The following TBXT variants were observed in gnomAD, a reference collection of about 807,000 sequenced individuals.
TBXT encodes T brachyury transcription factor.
A neutral mutation model predicts 41.1 loss-of-function variants in TBXT; 19 were observed. That is an observed-to-expected ratio of 0.46 (90% CI 0.32 to 0.68). The LOEUF is 0.68. Among genes scored for constraint, TBXT ranks in the 30% least tolerant of loss-of-function variants. TBXT has a pLI of 0.03. For missense variants in TBXT, 536 were observed against 582.0 expected (o/e 0.92, Z 0.81); for synonymous variants, 213 against 238.9 (o/e 0.89, Z 1.00).
In TBXT at chr6:166,166,793, G is replaced by A; in HGVS notation, c.270C>T (p.Phe90=). 1 of 1,613,942 alleles carries A rather than the reference G, an allele frequency of 6.2e-7. No individual in the cohort carries two copies. The part of the protein sequence containing the change: ...SGLDPNAMYS[F]LLDFVAADNH... ...TGTCCGCCGCCACGAAGTCCAGCAG[G>A]AAGGAGTACATGGCGTTGGGGTCCA... Residue 90 remains phenylalanine (F), a synonymous_variant, in exon 2 of 8, where the codon TTC becomes TTT. Transcript: ENST00000366876.
chr6:166,159,927 G>A (rs1010862950), intron 7 of TBXT, among the ~76,000 whole-genome samples: 8 of 148,992 alleles, frequency 5.4e-5, no homozygotes. Context: ...GCTTGTTTAC[G>A]CATTGTTGCT....
intron 5 of TBXT, among the ~76,000 whole-genome samples, chr6:166,163,205 G>T (rs1443292839): frequency 6.6e-6 from 1 of 152,144 alleles, no homozygotes; most frequent in East Asian, 1.9e-4. Flanking sequence ...GCTTAGACAA[G>T]GGTGCCCTCC....
At position 166,161,983 on chromosome 6, in the gene TBXT, G is replaced by A. The variant is rs6931397; in HGVS notation, c.907+464C>T. ...CTGCTGCCTGTCAGTCTGGGGTGGGGCCTGAGACTGTGCCCACTCTCGGGT... is the reference window on the plus strand; with the variant it reads ...CTGCTGCCTGTCAGTCTGGGGTGGGACCTGAGACTGTGCCCACTCTCGGGT... On this transcript the variant is annotated intron_variant, in intron 6 of 7. Transcript: ENST00000366876. 6.6e-5 allele frequency among the ~76,000 whole-genome samples: 10 copies of A among 152,196 alleles called. No individual in the cohort carries two copies. In the East Asian group the frequency reaches 1.9e-3, roughly 30 times the overall value.
chr6:166,162,004 C>T (rs943177505), intron 6 of TBXT, among the ~76,000 whole-genome samples: 23 of 152,310 alleles, frequency 1.5e-4, no homozygotes, highest in African/African-American at 5.1e-4. Flanking sequence ...TGCCCACTCT[C>T]GGGTGGTGCT....
At chr6:166,166,542 C>T (rs777470954) in intron 2 of TBXT, 50 bp downstream of exon 2, 1 of 1,612,056 alleles carries the variant, frequency 6.2e-7, no homozygotes, top group Non-Finnish European at 8.5e-7. Context: ...GAAGGCGCAG[C>T]GCGGCCCCCT....
chr6:166,167,793 AG>A lies in TBXT; in HGVS notation c.-203del, dbSNP rs1779176790. The A allele has an allele frequency of 1.6e-6, 1 of 633,514 alleles. No homozygotes were observed. Among genetic ancestry groups the A allele is most frequent in the Non-Finnish European group, 2.7e-6 (1 of 364,864 alleles). 39.2% of individuals were successfully genotyped at this position (633,514 alleles called of 1,614,324 possible). Reference sequence around the variant, plus strand: ...ACTTGGGGGGAGGGGACGGGGGCAGAGGGGTGGGGAGAAGTTATTCCACTTG... The same window carrying A: ...ACTTGGGGGGAGGGGACGGGGGCAGAGGGTGGGGAGAAGTTATTCCACTTG... On this transcript the variant is annotated 5_prime_UTR_variant, in exon 1 of 8. Coordinates refer to ENST00000366876, the MANE Select transcript of TBXT (RefSeq NM_001366285.2).
At chr6:166,160,998 A>T in intron 6 of TBXT, 32 bp from the exon 7 acceptor site, 1 of 1,612,842 alleles carries the variant, frequency 6.2e-7, no homozygotes, top group South Asian at 1.1e-5. Context: ...GTGCAATTAT[A>T]GATGGTGTCT....
intron 3 of TBXT, 91 bp from the exon 4 acceptor site, chr6:166,164,952 CT>C: frequency 9.9e-7 from 1 of 1,009,132 alleles, no homozygotes; most frequent in Non-Finnish European, 1.5e-6. Context: ...GCCAGTACCA[CT>C]TTTAAATATT....
rs1215662170 is a variant in TBXT at position 166,157,942 on chromosome 6, C to G, written c.*373G>C. 1 of 369,374 alleles carries G rather than the reference C, an allele frequency of 2.7e-6. No individual in the cohort carries two copies. The highest frequency in any genetic ancestry group is 5.1e-6 in the Non-Finnish European group (1 of 194,720). The allele number at this position is 369,374 out of a possible 1,614,324, so 22.9% of individuals were successfully genotyped here. A position where few individuals can be genotyped will look rare whatever the true frequency, so the allele number is the denominator to read the frequency against. On this transcript the variant is annotated 3_prime_UTR_variant, in exon 8 of 8. Coordinates refer to ENST00000366876, the MANE Select transcript of TBXT (RefSeq NM_001366285.2). Reference sequence around the variant, plus strand: ...TGCTTTTTATCTCACTAAAGTAGGACTGGTGGAGTTTACAAATTCTGGTGT... The same window carrying G: ...TGCTTTTTATCTCACTAAAGTAGGAGTGGTGGAGTTTACAAATTCTGGTGT...
Position 166,166,773 on chromosome 6 carries a change from G to T in TBXT, c.290C>A (p.Ala97Glu), listed in dbSNP as rs997648460. The stretch of plus-strand genomic sequence containing the variant: ...CACGTACTTCCAGCGGTGGTTGTCC[G>T]CCGCCACGAAGTCCAGCAGGAAGGA... The part of the protein sequence containing the change: ...MYSFLLDFVA[A>E]DNHRWKYVNG... Residue 97 changes from alanine to glutamate, a missense_variant, in exon 2 of 8, where the codon GCG (alanine) becomes GAG (glutamate). Transcript: ENST00000366876. 8 of 1,613,660 alleles carry T rather than the reference G, an allele frequency of 5.0e-6. No homozygotes were observed. Among genetic ancestry groups the T allele is most frequent in the African/African-American group, 4.0e-5 (3 of 74,920 alleles).
intron 4 of TBXT, 38 bp from the exon 5 acceptor site, chr6:166,164,704 A>T (rs1449045083): frequency 6.2e-7 from 1 of 1,612,730 alleles, no homozygotes; most frequent in Non-Finnish European, 8.5e-7. Context: ...TCGAATTTTC[A>T]AAAATAAGGA....
chr6:166,162,347 G>A (rs975043698), intron 6 of TBXT, 100 bp downstream of exon 6: 42 of 1,377,994 alleles, frequency 3.0e-5, no homozygotes, highest in South Asian at 1.3e-4. Flanking sequence ...CCAGAAAACC[G>A]TCTCCATTTT....
In TBXT at chr6:166,158,433, C is replaced by A. The variant is rs1778852348; in HGVS notation, c.1193G>T (p.Gly398Val). Residue 398 changes from glycine to valine, a missense_variant, in exon 8 of 8, where the codon GGA (glycine) becomes GTA (valine). Gly to Val is a moderately radical substitution (Grantham distance 109, BLOSUM62 -3). Coordinates refer to ENST00000366876, the MANE Select transcript of TBXT (RefSeq NM_001366285.2). ...GGCCGCCCCTTCGTACAGTGGGGATCCCGAGGAAGAGGGCGCCGAGACCGG... is the reference window on the plus strand; with the variant it reads ...GGCCGCCCCTTCGTACAGTGGGGATACCGAGGAAGAGGGCGCCGAGACCGG... ...THPVSAPSSS[G>V]SPLYEGAAAA... The A allele has an allele frequency of 6.2e-7, 1 of 1,614,062 alleles. No homozygotes were observed. The highest frequency in any genetic ancestry group is 1.3e-5 in the African/African-American group (1 of 74,944).
chr6:166,164,688 A>T, intron 4 of TBXT, 22 bp from the exon 5 acceptor site: 1 of 1,607,050 alleles, frequency 6.2e-7, no homozygotes, highest in Non-Finnish European at 8.5e-7. Flanking sequence ...AAAAAAAAAA[A>T]GTATATCGAA....
intron 7 of TBXT, among the ~76,000 whole-genome samples, chr6:166,160,448 G>A (rs1291093562): frequency 4.6e-5 from 7 of 152,136 alleles, no homozygotes; most frequent in African/African-American, 1.7e-4. Context: ...GGCCGAGGCT[G>A]GGTTATTTTT....
Position 166,158,213 on chromosome 6 carries a change from T to G in TBXT, c.*102A>C. The G allele has an allele frequency of 6.3e-7, 1 of 1,587,262 alleles. No individual in the cohort carries two copies. Among genetic ancestry groups the G allele is most frequent in the Non-Finnish European group, 8.6e-7 (1 of 1,157,628 alleles). On this transcript the variant is annotated 3_prime_UTR_variant, in exon 8 of 8. Transcript: ENST00000366876. ...AAGTTACTGAGGCTGCATTTCCTTCTTAACCTGAGACTGCCACTGGGTACC... is the reference window on the plus strand; with the variant it reads ...AAGTTACTGAGGCTGCATTTCCTTCGTAACCTGAGACTGCCACTGGGTACC...
chr6:166,159,884 T>C (rs1778900490), intron 7 of TBXT, among the ~76,000 whole-genome samples: 1 of 152,220 alleles, frequency 6.6e-6, no homozygotes, highest in Non-Finnish European at 1.5e-5. Context: ...TGCAGGCTTC[T>C]GGGGCGATGC....
chr6:166,158,177 C>T lies in TBXT; in HGVS notation c.*138G>A, dbSNP rs539921601. 2.5e-5 allele frequency: 35 copies of T among 1,384,150 alleles called. 2 individuals carry two copies. In the South Asian group the frequency reaches 4.1e-4, roughly 16 times the overall value. 85.7% of individuals were successfully genotyped at this position (1,384,150 alleles called of 1,614,324 possible). A position where few individuals can be genotyped will look rare whatever the true frequency, so the allele number is the denominator to read the frequency against. ...AAAGGTGCCGTGTGCTCCTCCACTGCTTTGAAAAGGAAGTTACTGAGGCTG... is the reference window on the plus strand; with the variant it reads ...AAAGGTGCCGTGTGCTCCTCCACTGTTTTGAAAAGGAAGTTACTGAGGCTG... On this transcript the variant is annotated 3_prime_UTR_variant, in exon 8 of 8. Transcript: ENST00000366876.
chr6:166,166,896 G>T, intron 1 of TBXT, 40 bp from the exon 2 acceptor site: 1 of 1,612,170 alleles, frequency 6.2e-7, no homozygotes, highest in South Asian at 1.1e-5. Context: ...CCCCGACACT[G>T]ACCAGGTAGG....
Sources: gnomAD v4.1 joint callset for allele counts (sites outside exome capture counted in the v4.1 genomes callset) on GRCh38, gnomAD v4.1.1 for gene constraint, MANE v1.5 for transcripts, NCBI Gene and HGNC (gene_info 2026-07-23, HGNC 2026-07-21) for gene names.